Variants in NHSL1 observed in about 807,000 individuals in gnomAD.
NHSL1 encodes NHS-like protein 1.
A neutral mutation model predicts 95.0 loss-of-function variants in NHSL1; 48 were observed. The ratio of observed to expected loss-of-function variants is 0.51; its 90% CI spans 0.40 to 0.64. The LOEUF is 0.64. Among genes scored for constraint, NHSL1 ranks in the 30% least tolerant of loss-of-function variants. The probability of loss-of-function intolerance (pLI) is 0.00; values close to 1 mark genes in which losing one functional copy is unlikely to be tolerated. For synonymous variants in NHSL1, 783 were observed against 833.9 expected, an observed-to-expected ratio of 0.94 and a Z score of 1.05; for missense variants, 1,971 against 2,077.7, an observed-to-expected ratio of 0.95 and a Z score of 1.00.
intron 3 of NHSL1, among the ~76,000 whole-genome samples, chr6:138,463,935 T>A (rs1778170177): frequency 1.3e-5 from 2 of 152,254 alleles, no homozygotes; most frequent in South Asian, 4.1e-4. Context: ...TGTTGTATGA[T>A]GCTTGTTTGT....
At chr6:138,686,677 G>T (rs1483463739) in intron 1 of NHSL1, among the ~76,000 whole-genome samples, 1 of 152,172 alleles carries the variant, frequency 6.6e-6, no homozygotes, top group Non-Finnish European at 1.5e-5. Flanking sequence ...AGGCCTTGAG[G>T]TGTTGAATAA....
At position 138,611,157 on chromosome 6, in the gene NHSL1, C is replaced by A. The variant is rs575699755; in HGVS notation, c.96+81319G>T. Among the ~76,000 whole-genome samples, 7 of 151,456 alleles carry A rather than the reference C, an allele frequency of 4.6e-5. No homozygotes were observed. In the South Asian group the frequency reaches 1.3e-3, roughly 27 times the overall value. On this transcript the variant is annotated intron_variant, in intron 1 of 3. Transcript: ENST00000491526. ...GTCATTTTTCTGAAGAAAAAGGAGG[C>A]AGGGGCTTCTACTAATAAGAAAAGG...
chr6:138,572,028 C>T, exon 1 of NHSL1: 2 of 735,616 alleles, frequency 2.7e-6, no homozygotes, highest in Non-Finnish European at 4.4e-6. Flanking sequence ...ACAACGCTGA[C>T]AGTCAGGCAC....
At chr6:138,676,805 C>G (rs1785455529) in intron 1 of NHSL1, among the ~76,000 whole-genome samples, 1 of 152,080 alleles carries the variant, frequency 6.6e-6, no homozygotes, top group South Asian at 2.1e-4. Flanking sequence ...CAGGAACATG[C>G]CACTACACCT....
intron 3 of NHSL1, among the ~76,000 whole-genome samples, chr6:138,462,392 C>T (rs1185154053): frequency 1.3e-5 from 2 of 152,128 alleles, no homozygotes; most frequent in Non-Finnish European, 2.9e-5. Context: ...CCACAAGAAC[C>T]AATCCCATCA....
chr6:138,557,644 C>A (rs1490653698), intron 1 of NHSL1, among the ~76,000 whole-genome samples: 4 of 152,198 alleles, frequency 2.6e-5, no homozygotes, highest in Admixed American at 6.5e-5. Flanking sequence ...ACAGTGACAC[C>A]AGGGCATTAA....
chr6:138,518,583 ATAAT>A (rs1393354086), intron 1 of NHSL1, among the ~76,000 whole-genome samples: 1 of 151,704 alleles, frequency 6.6e-6, no homozygotes, highest in African/African-American at 2.4e-5. Flanking sequence ...GCTAGCCTAT[ATAAT>A]TAAAGTTGGA....
At chr6:138,504,672 C>G (rs530001497) in intron 1 of NHSL1, among the ~76,000 whole-genome samples, 2 of 152,266 alleles carry the variant, frequency 1.3e-5, no homozygotes, top group South Asian at 2.1e-4. Flanking sequence ...AAGGGGGTCC[C>G]TGATGGAGGA....
At chr6:138,479,362 C>T (rs1487622593) in intron 2 of NHSL1, among the ~76,000 whole-genome samples, 3 of 152,146 alleles carry the variant, frequency 2.0e-5, no homozygotes, top group African/African-American at 4.8e-5. Flanking sequence ...ATCCAAATGG[C>T]CAGCATTACT....
chr6:138,599,404 T>C (rs1172714681), intron 1 of NHSL1, among the ~76,000 whole-genome samples: 1 of 151,816 alleles, frequency 6.6e-6, no homozygotes, highest in African/African-American at 2.4e-5. Flanking sequence ...TCCAGCTACT[T>C]GGGAGGCTGA....
chr6:138,606,496 T>C (rs188304950), intron 1 of NHSL1, among the ~76,000 whole-genome samples: 1 of 152,284 alleles, frequency 6.6e-6, no homozygotes, highest in African/African-American at 2.4e-5. Flanking sequence ...ATTAAATCTC[T>C]TTTGTATGCT....
intron 1 of NHSL1, among the ~76,000 whole-genome samples, chr6:138,663,013 A>C (rs1160505763): frequency 6.6e-6 from 1 of 150,414 alleles, no homozygotes; most frequent in African/African-American, 2.4e-5. Flanking sequence ...AGGAAATAAT[A>C]GCCAAGTACA....
At position 138,508,123 on chromosome 6, in the gene NHSL1, T is replaced by C. The variant is rs113912397; in HGVS notation, c.17-11752A>G. Among the ~76,000 whole-genome samples the C allele has an allele frequency of 4.8e-3, 731 of 152,258 alleles. 5 individuals are homozygous for C. Among genetic ancestry groups the C allele is most frequent in the African/African-American group, 0.017 (715 of 41,548 alleles). On this transcript the variant is annotated intron_variant, in intron 1 of 4. Coordinates refer to the NHSL1 transcript ENST00000342260. Reference sequence around the variant, plus strand: ...TGGTTTAGCCAAGCCACAATATTCATGTGACAAATGTTGAACAAACGAAAG... The same window carrying C: ...TGGTTTAGCCAAGCCACAATATTCACGTGACAAATGTTGAACAAACGAAAG...
intron 1 of NHSL1, among the ~76,000 whole-genome samples, chr6:138,587,503 CAAAAAAA>C (rs35723995): frequency 1.7e-5 from 1 of 59,908 alleles, no homozygotes; most frequent in African/African-American, 5.1e-5. Flanking sequence ...AAAACTCTGT[CAAAAAAA>C]AAAAAAAAAA....
intron 1 of NHSL1, among the ~76,000 whole-genome samples, chr6:138,678,806 A>G (rs569509612): frequency 1.3e-5 from 2 of 152,348 alleles, no homozygotes; most frequent in East Asian, 1.9e-4. Context: ...TAAGTATCCT[A>G]TAAGTGTTAG....
At chr6:138,667,806 G>C (rs1391319228) in intron 1 of NHSL1, among the ~76,000 whole-genome samples, 2 of 152,168 alleles carry the variant, frequency 1.3e-5, no homozygotes, top group Non-Finnish European at 2.9e-5. Flanking sequence ...AGAATATCAA[G>C]TGAAGTGCTG....
chr6:138,511,951 A>C (rs938039588), intron 1 of NHSL1, among the ~76,000 whole-genome samples: 3 of 152,208 alleles, frequency 2.0e-5, no homozygotes, highest in Admixed American at 2.0e-4. Flanking sequence ...GGGTCTTCCA[A>C]TGCCAAGCAG....
chr6:138,675,424 G>C (rs776571986), intron 1 of NHSL1, among the ~76,000 whole-genome samples: 2 of 152,170 alleles, frequency 1.3e-5, no homozygotes, highest in Non-Finnish European at 2.9e-5. Flanking sequence ...GACGAGGTCA[G>C]GGTCACACAG....
intron 1 of NHSL1, among the ~76,000 whole-genome samples, chr6:138,509,750 G>C (rs1781133113): frequency 6.6e-6 from 1 of 152,134 alleles, no homozygotes; most frequent in African/African-American, 2.4e-5. Flanking sequence ...CCTCAATTCG[G>C]ACAACATTGA....
Sources: gnomAD v4.1 joint callset for allele counts (sites outside exome capture counted in the v4.1 genomes callset) on GRCh38, gnomAD v4.1.1 for gene constraint, MANE v1.5 for transcripts, NCBI Gene and HGNC (gene_info 2026-07-23, HGNC 2026-07-21) for gene names.